The following SAP130 variants were observed in gnomAD, a reference collection of about 807,000 sequenced individuals.
The protein encoded by SAP130 is Sin3A associated protein 130, also known as histone deacetylase complex subunit SAP130.
A neutral mutation model predicts 103.2 loss-of-function variants in SAP130; 16 were observed. The ratio of observed to expected loss-of-function variants is 0.16; its 90% CI spans 0.10 to 0.24. The LOEUF is 0.24. Among genes scored for constraint, SAP130 ranks in the 10% least tolerant of loss-of-function variants. The pLI is 1.00. For synonymous variants in SAP130, 477 were observed against 497.0 expected, an observed-to-expected ratio of 0.96 and a Z score of 0.53; for missense variants, 990 against 1,359.7, an observed-to-expected ratio of 0.73 and a Z score of 4.28.
intron 9 of SAP130, 84 bp downstream of exon 9, chr2:127,999,972 A>G (rs573348925): frequency 2.0e-6 from 3 of 1,481,048 alleles, no homozygotes; most frequent in East Asian, 2.3e-5. Context: ...TTTTTCTCTG[A>G]CTGAAGGTGA....
chr2:128,027,334 G>GC, intron 1 of SAP130: 4 of 1,152,292 alleles, frequency 3.5e-6, no homozygotes, highest in Non-Finnish European at 4.3e-6. Context: ...CCGCCCATTG[G>GC]CCCCACGCCC....
rs954628194 is a variant in SAP130, at chr2:127,987,989, C to G, written c.1781-1027G>C. Among the ~76,000 whole-genome samples the G allele has an allele frequency of 2.0e-5, 3 of 152,126 alleles. No individual in the cohort carries two copies. The East Asian group carries it at 5.8e-4, about 29-fold the overall frequency. On this transcript the variant is annotated intron_variant, in intron 13 of 20. Transcript: ENST00000643581. ...TATCATGAGTTTTCTGGCAGGTGCCCTTAAATATGTAGTACACCATCCTAC... is the reference window on the plus strand; with the variant it reads ...TATCATGAGTTTTCTGGCAGGTGCCGTTAAATATGTAGTACACCATCCTAC...
At chr2:127,951,251 G>A (rs1337783516) in intron 16 of SAP130, among the ~76,000 whole-genome samples, 1 of 152,150 alleles carries the variant, frequency 6.6e-6, no homozygotes, top group Admixed American at 6.5e-5. Flanking sequence ...ATTTGCTTGA[G>A]CTTGTATGAA....
In SAP130 at chr2:127,942,714, C is replaced by T. The variant is rs1219958269; in HGVS notation, c.2902-177G>A. Among the ~76,000 whole-genome samples, 1 of 152,294 alleles carries T rather than the reference C, an allele frequency of 6.6e-6. No individual in the cohort carries two copies. The highest frequency in any genetic ancestry group is 1.9e-4 in the East Asian group (1 of 5,184). On this transcript the variant is annotated intron_variant, in intron 19 of 20. Transcript: ENST00000643581. This position sits in a 1 kb window ranked among gnomAD's most constrained non-coding sequence, Gnocchi z 4.8. ...GTTTAAAAACAGTAAAGGGGCTGGG[C>T]GCGGTGGCTCACGCCTATAATCCCA...
At chr2:128,018,035 G>T in intron 2 of SAP130, 120 bp from the exon 3 acceptor site, 1 of 770,618 alleles carries the variant, frequency 1.3e-6, no homozygotes, top group Non-Finnish European at 2.1e-6. Context: ...ATTTCCTTGT[G>T]ATGTTTTCTT....
chr2:127,972,445 C>T (rs1481783055), intron 15 of SAP130, among the ~76,000 whole-genome samples: 2 of 151,934 alleles, frequency 1.3e-5, no homozygotes, highest in African/African-American at 4.8e-5. Context: ...ACTGCCATCT[C>T]TACAAAAACA....
intron 4 of SAP130, among the ~76,000 whole-genome samples, chr2:128,015,698 T>C (rs1684720835): frequency 6.6e-6 from 1 of 151,934 alleles, no homozygotes; most frequent in South Asian, 2.1e-4. Flanking sequence ...TCCCAGCACT[T>C]TGGGAGGCCG....
At chr2:128,018,535 C>T (rs919929569) in intron 2 of SAP130, among the ~76,000 whole-genome samples, 1 of 147,636 alleles carries the variant, frequency 6.8e-6, no homozygotes, top group Non-Finnish European at 1.5e-5. Context: ...CTTGCACCTG[C>T]AATCCTAGCA....
intron 10 of SAP130, among the ~76,000 whole-genome samples, chr2:127,998,924 G>A (rs1313975137): frequency 6.6e-6 from 1 of 152,272 alleles, no homozygotes; most frequent in Non-Finnish European, 1.5e-5. Flanking sequence ...GACGCAGGCA[G>A]AGGAAGGAAA....
At chr2:128,003,484 T>C (rs1458886104) in intron 7 of SAP130, among the ~76,000 whole-genome samples, 1 of 146,690 alleles carries the variant, frequency 6.8e-6, no homozygotes, top group Non-Finnish European at 1.5e-5. Context: ...CCTTGACTTC[T>C]GGGGTTCAAG....
intron 10 of SAP130, among the ~76,000 whole-genome samples, chr2:127,997,614 G>T: frequency 6.6e-6 from 1 of 152,188 alleles, no homozygotes; most frequent in African/African-American, 2.4e-5. Context: ...GCATGATAGG[G>T]TTTTCCATCA....
At chr2:127,964,737 C>A (rs1356549810) in intron 15 of SAP130, among the ~76,000 whole-genome samples, 6 of 152,270 alleles carry the variant, frequency 3.9e-5, no homozygotes, top group African/African-American at 1.4e-4. Context: ...GTGGCTCACG[C>A]CTGTAATGCC....
chr2:127,969,367 G>C (rs1680903669), intron 15 of SAP130, among the ~76,000 whole-genome samples: 1 of 152,156 alleles, frequency 6.6e-6, no homozygotes, highest in Non-Finnish European at 1.5e-5. Flanking sequence ...ATCTACTCTT[G>C]TGAGTTAGCA....
At chr2:127,994,750 C>T (rs1189305142) in intron 11 of SAP130, among the ~76,000 whole-genome samples, 1 of 152,134 alleles carries the variant, frequency 6.6e-6, no homozygotes, top group Non-Finnish European at 1.5e-5. Flanking sequence ...AGAGCAAGAT[C>T]CTGTCTCAAA....
chr2:127,954,760 T>C (rs1041956202), intron 16 of SAP130, among the ~76,000 whole-genome samples: 3 of 152,376 alleles, frequency 2.0e-5, no homozygotes, highest in Middle Eastern at 3.4e-3. Context: ...TTTCATGATT[T>C]TGGCCAGAAA....
At chr2:127,975,136 ACTT>A (rs1297475289) in intron 15 of SAP130, among the ~76,000 whole-genome samples, 1 of 152,182 alleles carries the variant, frequency 6.6e-6, no homozygotes, top group African/African-American at 2.4e-5. Context: ...CAGTCACATC[ACTT>A]CTTAAGTCTG....
chr2:128,008,491 A>G (rs1453720271), intron 7 of SAP130, among the ~76,000 whole-genome samples: 1 of 148,916 alleles, frequency 6.7e-6, no homozygotes, highest in Non-Finnish European at 1.5e-5. Context: ...TCCGTCTCCA[A>G]GTACCTAGGG....
chr2:127,958,051 C>T (rs1296021704), intron 15 of SAP130, among the ~76,000 whole-genome samples: 3 of 152,222 alleles, frequency 2.0e-5, no homozygotes, highest in Admixed American at 2.0e-4. Context: ...ACTGGTACAA[C>T]AAACCACCAT....
At chr2:127,982,551 T>C (rs1401973510) in intron 14 of SAP130, among the ~76,000 whole-genome samples, 2 of 151,652 alleles carry the variant, frequency 1.3e-5, no homozygotes. Context: ...AGCCTGGGAG[T>C]TTTGAGAGAA....
Sources: gnomAD v4.1 joint callset for allele counts (sites outside exome capture counted in the v4.1 genomes callset) on GRCh38, gnomAD v4.1.1 for gene constraint, Gnocchi (gnomAD v3.1) non-coding constraint, MANE v1.5 for transcripts, NCBI Gene and HGNC (gene_info 2026-07-23, HGNC 2026-07-21) for gene names.